The following FBLN1 variants were observed in gnomAD, a reference collection of about 807,000 sequenced individuals.
The protein encoded by FBLN1 is fibulin-1.
FBLN1 carries 34 observed loss-of-function variants against 89.7 expected under a neutral mutation model. That is an observed-to-expected ratio of 0.38 (90% confidence interval 0.29 to 0.50). The LOEUF is 0.50. FBLN1 is among the 20% of genes least tolerant of loss of function. The probability of loss-of-function intolerance (pLI) is 0.92; values close to 1 mark genes in which losing one functional copy is unlikely to be tolerated. For missense variants in FBLN1, 777 were observed against 988.1 expected (o/e 0.79, Z 2.86); for synonymous variants, 393 against 391.3 (o/e 1.00, Z -0.05).
chr22:45,598,462 C>G (rs1359488148), intron 16 of FBLN1, among the ~76,000 whole-genome samples: 1 of 152,188 alleles, frequency 6.6e-6, no homozygotes, highest in Non-Finnish European at 1.5e-5. Flanking sequence ...ATGTCAGCAC[C>G]CATAGGTCTG....
intron 14 of FBLN1, among the ~76,000 whole-genome samples, chr22:45,551,513 C>T (rs983871280): frequency 6.6e-6 from 1 of 152,238 alleles, no homozygotes; most frequent in Admixed American, 6.5e-5. Flanking sequence ...TCTGGGTACC[C>T]GAGCAGCCCC....
Position 45,580,032 on chromosome 22 carries a change from A to T in FBLN1, c.1972+2924A>T, listed in dbSNP as rs778373982. On this transcript the variant is annotated intron_variant, in intron 16 of 16. Coordinates refer to ENST00000327858, the MANE Select transcript of FBLN1 (RefSeq NM_006486.3). The surrounding 1 kb of genome is among the most constrained non-coding windows in gnomAD (Gnocchi z 8.6). ...GGGCACCTTCACCCCCGCATTCCCC[A>T]GTCCTCACAGACACTGCCAGCGACG... Among the ~76,000 whole-genome samples the T allele has an allele frequency of 6.6e-6, 1 of 152,092 alleles. No homozygotes were observed.
intron 14 of FBLN1, among the ~76,000 whole-genome samples, chr22:45,571,699 G>A (rs555891692): frequency 6.6e-6 from 1 of 152,240 alleles, no homozygotes; most frequent in Non-Finnish European, 1.5e-5. Context: ...TCCTTCTTTT[G>A]AATTGGATAT....
chr22:45,542,062 A>G lies in FBLN1; in HGVS notation c.1067-93A>G, dbSNP rs371204001. Reference sequence around the variant, plus strand: ...AAATGGAATGCCTGTTTCCATGTCCATGTGTTCCTTTCTTGCTTTCCTTTC... The same window carrying G: ...AAATGGAATGCCTGTTTCCATGTCCGTGTGTTCCTTTCTTGCTTTCCTTTC... On this transcript the variant is annotated intron_variant, in intron 9 of 16. Transcript: ENST00000327858. 8.1e-5 allele frequency: 127 copies of G among 1,577,072 alleles called. No homozygotes were observed. In the South Asian group the frequency reaches 1.3e-3, roughly 16 times the overall value.
At position 45,562,810 on chromosome 22, in the gene FBLN1, G is replaced by T; in HGVS notation, c.1698-11701G>T. 8.6e-7 allele frequency: 1 copy of T among 1,161,784 alleles called. No homozygotes were observed. The highest frequency in any genetic ancestry group is 1.3e-6 in the Non-Finnish European group (1 of 781,430). The allele number at this position is 1,161,784 out of a possible 1,614,324, so 72.0% of individuals were successfully genotyped here. On this transcript the variant is annotated intron_variant, in intron 14 of 16. Transcript: ENST00000327858. This position sits in a 1 kb window ranked among gnomAD's most constrained non-coding sequence, Gnocchi z 7.8. Reference sequence around the variant, plus strand: ...GCTGAATCGGCCAGAGGGGCGGCGGGAGGCCCCGCCTGCCAGCCCCGCATC... The same window carrying T: ...GCTGAATCGGCCAGAGGGGCGGCGGTAGGCCCCGCCTGCCAGCCCCGCATC...
rs1002163392 is a variant in FBLN1 at position 45,529,853 on chromosome 22, C to T, written c.485-1412C>T. Among the ~76,000 whole-genome samples the T allele has an allele frequency of 1.1e-4, 17 of 152,026 alleles. No homozygotes were observed. The East Asian group carries it at 1.4e-3, about 12-fold the overall frequency. ...TTGCATTCCAGCCTGGGTGACAGAA[C>T]GAGACTCAGTCTCAAAAAAAATAAT... On this transcript the variant is annotated intron_variant, in intron 4 of 16. Coordinates refer to ENST00000327858, the MANE Select transcript of FBLN1 (RefSeq NM_006486.3).
rs531124746 is a variant in FBLN1 at position 45,600,587 on chromosome 22, G to A, written c.*141G>A. The A allele has an allele frequency of 2.1e-6, 2 of 957,522 alleles. No homozygotes were observed. The allele number at this position is 957,522 out of a possible 1,614,324, so 59.3% of individuals were successfully genotyped here. On this transcript the variant is annotated 3_prime_UTR_variant, in exon 17 of 17. Coordinates refer to ENST00000327858, the MANE Select transcript of FBLN1 (RefSeq NM_006486.3). ...ATTAGGCCAACATGTATTAAGCTGA[G>A]CCAGATGAATAAGTCCATCTGATGT...
At position 45,600,292 on chromosome 22, in the gene FBLN1, C is replaced by T. The variant is rs755660006; in HGVS notation, c.1973-15C>T. On this transcript the variant is annotated splice_polypyrimidine_tract_variant and intron_variant, in intron 16 of 16. Coordinates refer to ENST00000327858, the MANE Select transcript of FBLN1 (RefSeq NM_006486.3). ...TCCCTTCTAACTTCCAGCACACCTT[C>T]TGCTCTCTCCGCAGGTGTCGTGCGC... 6 of 1,614,230 alleles carry T rather than the reference C, an allele frequency of 3.7e-6. No homozygotes were observed. Among genetic ancestry groups the T allele is most frequent in the Non-Finnish European group, 5.1e-6 (6 of 1,180,032 alleles).
Position 45,536,977 on chromosome 22 carries a change from G to C in FBLN1, c.922+1640G>C, listed in dbSNP as rs2088490928. 6.6e-6 allele frequency among the ~76,000 whole-genome samples: 1 copy of C among 152,210 alleles called. No homozygotes were observed. The highest frequency in any genetic ancestry group is 1.5e-5 in the Non-Finnish European group (1 of 68,050). On this transcript the variant is annotated intron_variant, in intron 8 of 16. Transcript: ENST00000327858. This position sits in a 1 kb window ranked among gnomAD's most constrained non-coding sequence, Gnocchi z 5.1. ...TCCTGCTTTCCCCAGCCGTTGTCAG[G>C]TTAACTGCCTGGCTAGGCCGCTGCA... is the stretch of plus-strand genomic sequence containing the variant.
chr22:45,580,762 G>A lies in FBLN1; in HGVS notation c.1972+3654G>A, dbSNP rs1421071483. ...AATCAGCGCACAGGCCCCGGGGCTC[G>A]CCGTGTTCAGTCCTCCCAGAGTAAC... On this transcript the variant is annotated intron_variant, in intron 16 of 16. Coordinates refer to ENST00000327858, the MANE Select transcript of FBLN1 (RefSeq NM_006486.3). The surrounding 1 kb of genome is among the most constrained non-coding windows in gnomAD (Gnocchi z 8.6). 2.0e-5 allele frequency among the ~76,000 whole-genome samples: 3 copies of A among 152,034 alleles called. No homozygotes were observed. The highest frequency in any genetic ancestry group is 2.9e-5 in the Non-Finnish European group (2 of 67,986).
intron 3 of FBLN1, among the ~76,000 whole-genome samples, chr22:45,527,594 G>C (rs1310496768): frequency 6.6e-6 from 1 of 152,104 alleles, no homozygotes; most frequent in East Asian, 1.9e-4. Flanking sequence ...ATGTTGGGGT[G>C]GGGAGGGGAG....
rs758456085 is a variant in FBLN1 at position 45,531,305 on chromosome 22, T to C, written c.525T>C (p.Tyr175=). Residue 175 remains tyrosine, a synonymous_variant, in exon 5 of 17, where the codon TAT becomes TAC. Coordinates refer to ENST00000327858, the MANE Select transcript of FBLN1 (RefSeq NM_006486.3). The surrounding 1 kb of genome is among the most constrained non-coding windows in gnomAD (Gnocchi z 4.9). Reference sequence around the variant, plus strand: ...TTGAGGAGGAACAAGAGGACCCATATCTGAATGACCGCTGCCGAGGTGAGA... The same window carrying C: ...TTGAGGAGGAACAAGAGGACCCATACCTGAATGACCGCTGCCGAGGTGAGA... The part of the protein sequence containing the change: ...IEVEEEQEDP[Y]LNDRCRGGGP... 14 of 1,614,014 alleles carry C rather than the reference T, an allele frequency of 8.7e-6. No homozygotes were observed. The highest frequency in any genetic ancestry group is 1.2e-5 in the Non-Finnish European group (14 of 1,179,920).
Position 45,577,179 on chromosome 22 carries a change from G to C in FBLN1, c.1972+71G>C. ...CCACCCCGAAACCCTCTCTGGCCCA[G>C]CCCAACTCCCATCTGAGTCCCCTCC... On this transcript the variant is annotated intron_variant, in intron 16 of 16. Transcript: ENST00000327858. This position sits in a 1 kb window ranked among gnomAD's most constrained non-coding sequence, Gnocchi z 6.6. 10 of 1,562,992 alleles carry C rather than the reference G, an allele frequency of 6.4e-6. No homozygotes were observed. The highest frequency in any genetic ancestry group is 8.8e-6 in the Non-Finnish European group (10 of 1,141,334).
In FBLN1 at chr22:45,526,723, G is replaced by T. The variant is rs533723988; in HGVS notation, c.321+1045G>T. ...CCGAGTCCCCTGCCCACCTTGGCCT[G>T]TGTGGGCTTTCACAGGGCAGGGCTC... is the stretch of plus-strand genomic sequence containing the variant. On this transcript the variant is annotated intron_variant, in intron 3 of 16. Coordinates refer to ENST00000327858, the MANE Select transcript of FBLN1 (RefSeq NM_006486.3). 9.8e-5 allele frequency among the ~76,000 whole-genome samples: 15 copies of T among 152,340 alleles called. No homozygotes were observed. In the East Asian group the frequency reaches 1.2e-3, roughly 12 times the overall value.
chr22:45,598,632 C>T (rs1233515522), intron 16 of FBLN1, among the ~76,000 whole-genome samples: 3 of 152,202 alleles, frequency 2.0e-5, no homozygotes, highest in African/African-American at 7.2e-5. Context: ...TCCATCAGAG[C>T]GTGGTGCATA....
At chr22:45,514,922 C>A (rs566951302) in intron 1 of FBLN1, among the ~76,000 whole-genome samples, 1 of 152,300 alleles carries the variant, frequency 6.6e-6, no homozygotes, top group South Asian at 2.1e-4. Context: ...GCGTGGGGGC[C>A]TCCAGTGTCC....
chr22:45,543,304 T>C, intron 10 of FBLN1, 97 bp from the exon 11 acceptor site: 1 of 1,438,686 alleles, frequency 7.0e-7, no homozygotes, highest in Non-Finnish European at 9.6e-7. Flanking sequence ...CTGGAGGAGG[T>C]GGAGGACAAA....
At chr22:45,529,556 C>A (rs556753964) in intron 4 of FBLN1, among the ~76,000 whole-genome samples, 1 of 152,298 alleles carries the variant, frequency 6.6e-6, no homozygotes, top group Non-Finnish European at 1.5e-5. Flanking sequence ...GCTTTGCCCC[C>A]ACTCTCTTAA....
At chr22:45,573,692 A>AAAAC (rs1555960593) in intron 14 of FBLN1, among the ~76,000 whole-genome samples, 56 of 149,598 alleles carry the variant, frequency 3.7e-4, no homozygotes, top group African/African-American at 1.4e-3. Flanking sequence ...AAAAAAAAAA[A>AAAAC]AAAAAAAAAC....
Sources: gnomAD v4.1 joint callset for allele counts (sites outside exome capture counted in the v4.1 genomes callset) on GRCh38, gnomAD v4.1.1 for gene constraint, Gnocchi (gnomAD v3.1) non-coding constraint, MANE v1.5 for transcripts, NCBI Gene and HGNC (gene_info 2026-07-23, HGNC 2026-07-21) for gene names.